POLK: variants seen among roughly 807,000 people sequenced by gnomAD.
POLK encodes DNA polymerase kappa, also known as polymerase (DNA directed) kappa.
POLK carries 76 observed loss-of-function variants against 94.0 expected under a neutral mutation model. The observed-to-expected ratio is 0.81, with a 90% CI of 0.67 to 0.98. The LOEUF is 0.98. Among genes scored for constraint, POLK ranks in the 50% least tolerant of loss-of-function variants. The pLI, the probability that POLK is intolerant of heterozygous loss-of-function variation, is 0.00. For synonymous variants in POLK, 349 were observed against 325.4 expected (o/e 1.07, Z -0.78); for missense variants, 954 against 1,010.1 (o/e 0.94, Z 0.75).
chr5:75,589,241 TGAG>T (rs916537547), intron 10 of POLK, among the ~76,000 whole-genome samples: 14 of 151,878 alleles, frequency 9.2e-5, no homozygotes, highest in Admixed American at 6.6e-4. Flanking sequence ...TGTATAAAAA[TGAG>T]GAAATCATTT....
exon 15 of POLK, chr5:75,598,044 T>G (rs773494845): frequency 2.2e-6 from 2 of 917,564 alleles, no homozygotes; most frequent in Non-Finnish European, 3.3e-6. Flanking sequence ...TCATTAATTT[T>G]TAATTGAAAC....
Position 75,559,522 on chromosome 5 carries a change from TG to T in POLK, c.255+6932del, listed in dbSNP as rs369676362. Among the ~76,000 whole-genome samples the T allele has an allele frequency of 1.0e-3, 139 of 136,198 alleles. 6 individuals carry two copies. Among genetic ancestry groups the T allele is most frequent in the South Asian group, 4.2e-3 (17 of 4,094 alleles). 89.4% of individuals were successfully genotyped at this position (136,198 alleles called of 152,430 possible). A position where few individuals can be genotyped will look rare whatever the true frequency, so the allele number is the denominator to read the frequency against. On this transcript the variant is annotated intron_variant, in intron 3 of 14. Transcript: ENST00000241436. ...TGGGGTTTGTTTTTTTGTTTTGTTTTGTTTTTTTTTTTTTTTTTTTTTTTTT... is the reference window on the plus strand; with the variant it reads ...TGGGGTTTGTTTTTTTGTTTTGTTTTTTTTTTTTTTTTTTTTTTTTTTTTT...
intron 1 of POLK, among the ~76,000 whole-genome samples, chr5:75,529,920 A>C (rs1388014381): frequency 6.6e-6 from 1 of 152,222 alleles, no homozygotes; most frequent in African/African-American, 2.4e-5. Context: ...CAATAGAACT[A>C]TCAGCACAAA....
intron 3 of POLK, among the ~76,000 whole-genome samples, chr5:75,557,923 G>T (rs1000541015): frequency 3.3e-5 from 5 of 152,070 alleles, no homozygotes; most frequent in African/African-American, 9.7e-5. Context: ...CTGGTAGCTG[G>T]GATTAGAGAT....
exon 13 of POLK, chr5:75,596,925 T>G: frequency 1.2e-6 from 2 of 1,613,272 alleles, no homozygotes; most frequent in Non-Finnish European, 8.5e-7. Context: ...GTCATCAGAA[T>G]TCTTCTTCTA....
At chr5:75,577,379 A>G (rs890150692) in intron 6 of POLK, among the ~76,000 whole-genome samples, 1 of 152,194 alleles carries the variant, frequency 6.6e-6, no homozygotes. Flanking sequence ...TATTATAGCA[A>G]TTATGACTGT....
intron 1 of POLK, among the ~76,000 whole-genome samples, chr5:75,544,076 ATCC>A (rs1270002866): frequency 6.6e-6 from 1 of 152,078 alleles, no homozygotes; most frequent in Non-Finnish European, 1.5e-5. Context: ...GGCTTAACCA[ATCC>A]TCCTGCCTTG....
At chr5:75,513,384 A>G (rs578015234) in intron 1 of POLK, among the ~76,000 whole-genome samples, 2 of 152,318 alleles carry the variant, frequency 1.3e-5, no homozygotes, top group East Asian at 3.9e-4. Flanking sequence ...AAGTCTCCAA[A>G]GACAGCTGTA....
intron 3 of POLK, chr5:75,568,688 A>G (rs1251280526): frequency 6.8e-6 from 3 of 441,328 alleles, no homozygotes; most frequent in Non-Finnish European, 9.0e-6. Flanking sequence ...TTAACATCAA[A>G]TTTTAACATT....
chr5:75,569,586 C>G, intron 4 of POLK, 94 bp downstream of exon 4: 1 of 1,068,530 alleles, frequency 9.4e-7, no homozygotes, highest in Non-Finnish European at 1.4e-6. Flanking sequence ...TGAGGTCTAC[C>G]AGTTTGCTGA....
intron 3 of POLK, among the ~76,000 whole-genome samples, chr5:75,557,254 C>T (rs1770679339): frequency 6.6e-6 from 1 of 152,142 alleles, no homozygotes; most frequent in African/African-American, 2.4e-5. Flanking sequence ...GTCTTGAAGT[C>T]AAGTAGTTTC....
intron 1 of POLK, among the ~76,000 whole-genome samples, chr5:75,519,323 G>T (rs138263162): frequency 1.3e-5 from 2 of 152,274 alleles, no homozygotes; most frequent in Middle Eastern, 3.4e-3. Context: ...CTGTTCTGGA[G>T]AATGTTTCAT....
At chr5:75,607,790 A>T in the POLK span, among the ~76,000 whole-genome samples, 1 of 152,224 alleles carries the variant, frequency 6.6e-6, no homozygotes, top group Non-Finnish European at 1.5e-5. Flanking sequence ...ATTATAGCTG[A>T]ATCCTAGCTG....
intron 3 of POLK, among the ~76,000 whole-genome samples, chr5:75,558,189 A>G (rs1355955315): frequency 6.6e-6 from 1 of 151,184 alleles, no homozygotes; most frequent in African/African-American, 2.4e-5. Context: ...ACTGATTATT[A>G]TCACTTACTA....
intron 1 of POLK, among the ~76,000 whole-genome samples, chr5:75,543,760 G>A (rs1424075272): frequency 6.6e-6 from 1 of 152,126 alleles, no homozygotes. Flanking sequence ...ATTTTGCCTT[G>A]TCCCAGGATT....
intron 6 of POLK, among the ~76,000 whole-genome samples, chr5:75,580,943 T>C (rs1354751460): frequency 6.6e-6 from 1 of 151,772 alleles, no homozygotes; most frequent in East Asian, 1.9e-4. Flanking sequence ...GTACGAACAT[T>C]AGTGAGTTTT....
chr5:75,570,521 G>A (rs1166262266), intron 4 of POLK, among the ~76,000 whole-genome samples: 1 of 152,110 alleles, frequency 6.6e-6, no homozygotes, highest in East Asian at 1.9e-4. Context: ...GAAAAGAAAA[G>A]GTTTGCCAAC....
At chr5:75,569,224 A>G (rs1469051) in intron 3 of POLK, 116 bp from the exon 4 acceptor site, 76,475 of 659,662 alleles carry the variant, frequency 0.12, 4,985 homozygotes, top group East Asian at 0.22. Context: ...TGGATGGATG[A>G]ATGGGTGTGT....
chr5:75,547,227 T>C (rs985686841), intron 2 of POLK, 70 bp downstream of exon 2: 30 of 652,244 alleles, frequency 4.6e-5, no homozygotes, highest in Non-Finnish European at 6.1e-5. Flanking sequence ...AAGAAAATCA[T>C]TTGAATATCA....
Sources: allele counts gnomAD v4.1 joint callset (sites outside exome capture counted in the v4.1 genomes callset), GRCh38; gene constraint gnomAD v4.1.1; transcripts MANE v1.5; gene names NCBI Gene and HGNC (gene_info 2026-07-23, HGNC 2026-07-21).